CAPN14: variants seen among roughly 807,000 people sequenced by gnomAD.
The protein encoded by CAPN14 is calpain-14.
Under a neutral mutation model 101.3 loss-of-function variants are expected in CAPN14, and 94 were observed. The observed-to-expected ratio is 0.93, with a 90% CI of 0.79 to 1.10. The LOEUF is 1.10. Among genes scored for constraint, CAPN14 ranks in the 50% least tolerant of loss-of-function variants. The probability of loss-of-function intolerance (pLI) is 0.00; values close to 1 mark genes in which losing one functional copy is unlikely to be tolerated. For synonymous variants in CAPN14, 338 were observed against 317.9 expected, an observed-to-expected ratio of 1.06 and a Z score of -0.67; for missense variants, 837 against 828.4, an observed-to-expected ratio of 1.01 and a Z score of -0.13.
chr2:31,197,417 G>T, intron 7 of CAPN14, 83 bp from the exon 8 acceptor site: 1 of 938,428 alleles, frequency 1.1e-6, no homozygotes, highest in African/African-American at 1.6e-5. Flanking sequence ...GCCTGGAGCT[G>T]AGCACTTGCA....
chr2:31,231,074 G>T (rs547205627), intron 1 of CAPN14, among the ~76,000 whole-genome samples: 1 of 152,084 alleles, frequency 6.6e-6, no homozygotes, highest in East Asian at 1.9e-4. Context: ...TGTTGCCATT[G>T]CTATGTTACT....
chr2:31,205,441 G>A lies in CAPN14; in HGVS notation c.7C>T (p.Leu3=). 6.4e-7 allele frequency: 1 copy of A among 1,551,544 alleles called. No individual in the cohort carries two copies. Among genetic ancestry groups the A allele is most frequent in the Non-Finnish European group, 8.7e-7 (1 of 1,146,910 alleles). The stretch of plus-strand genomic sequence containing the variant: ...CATCTGCATCGGAAAGGTGGCCACA[G>A]AGACATGGCAGGTGGTGGGTACAGT... MS[L]WPPFRCRWKL... is the part of the protein sequence containing the mutation. Residue 3 remains leucine, a synonymous_variant, in exon 2 of 22, where the codon CTG becomes TTG. Coordinates refer to ENST00000403897, the MANE Select transcript of CAPN14 (RefSeq NM_001145122.2).
chr2:31,218,369 G>A (rs188641951), upstream of CAPN14, among the ~76,000 whole-genome samples: 1 of 151,958 alleles, frequency 6.6e-6, no homozygotes, highest in Non-Finnish European at 1.5e-5. Context: ...ACCATGCCTA[G>A]TACCCAGGAG....
chr2:31,189,783 C>A, intron 12 of CAPN14: 1 of 484,502 alleles, frequency 2.1e-6, no homozygotes, highest in Admixed American at 2.3e-5. Flanking sequence ...CATTTTATGG[C>A]TGAGGGCTCT....
rs1558612430 is a variant in CAPN14 at position 31,181,431 on chromosome 2, T to TTTCTTTCTTTCTTTCTTTCTTTCC, written c.1646-432_1646-431insGGAAAGAAAGAAAGAAAGAAAGAA. ...CTTTCTTTCTTTCTTTCTTTCTTTC[T>TTTCTTTCTTTCTTTCTTTCTTTCC]TTCTTTCTTTCTTTTTCTTTCTTTT... On this transcript the variant is annotated intron_variant, in intron 16 of 21. Coordinates refer to ENST00000403897, the MANE Select transcript of CAPN14 (RefSeq NM_001145122.2). Among the ~76,000 whole-genome samples, 28 of 148,612 alleles carry TTTCTTTCTTTCTTTCTTTCTTTCC rather than the reference T, an allele frequency of 1.9e-4. 1 individual carries two copies. The highest frequency in any genetic ancestry group is 6.5e-4 in the African/African-American group (26 of 40,090).
At chr2:31,224,375 A>T (rs2148707825) in intron 2 of CAPN14, among the ~76,000 whole-genome samples, 1 of 152,170 alleles carries the variant, frequency 6.6e-6, no homozygotes, top group East Asian at 1.9e-4. Flanking sequence ...TTGGTAGAAT[A>T]TTTTTTTTAT....
In CAPN14 at chr2:31,189,768, C is replaced by T. The variant is rs562496328; in HGVS notation, c.1288-290G>A. 1.1e-4 allele frequency: 55 copies of T among 510,098 alleles called. 1 individual carries two copies. Among genetic ancestry groups the T allele is most frequent in the South Asian group, 7.7e-4 (50 of 64,998 alleles). 31.6% of individuals were successfully genotyped at this position (510,098 alleles called of 1,614,324 possible). ...AAATGATGTGAGGAATGTCCCTGTG[C>T]CTTCCATTTTATGGCTGAGGGCTCT... On this transcript the variant is annotated intron_variant, in intron 12 of 21. Transcript: ENST00000403897.
At chr2:31,191,329 A>G in intron 12 of CAPN14, 70 bp downstream of exon 12, 1 of 1,449,762 alleles carries the variant, frequency 6.9e-7, no homozygotes, top group Non-Finnish European at 9.3e-7. Context: ...GTCTAACTAA[A>G]TCCTGTGGAG....
Position 31,189,478 on chromosome 2 carries a change from A to C in CAPN14, c.1288T>G (p.Tyr430Asp). 1 of 1,550,786 alleles carries C rather than the reference A, an allele frequency of 6.4e-7. No individual in the cohort carries two copies. Among genetic ancestry groups the C allele is most frequent in the Non-Finnish European group, 8.7e-7 (1 of 1,146,556 alleles). ...GGCAGTCTCCTCTGGTCATCATGGTACTGTGGGTAGAGGACAGAAGAACAG... is the reference window on the plus strand; with the variant it reads ...GGCAGTCTCCTCTGGTCATCATGGTCCTGTGGGTAGAGGACAGAAGAACAG... ...IGFYLYRMNK[Y>D]HDDQRRLPPE... is the part of the protein sequence containing the mutation. Residue 430 changes from tyrosine to aspartate, a missense_variant and splice_region_variant, in exon 13 of 22, where the codon TAC (tyrosine) becomes GAC (aspartate). Tyr to Asp is a radical substitution (Grantham distance 160). Coordinates refer to ENST00000403897, the MANE Select transcript of CAPN14 (RefSeq NM_001145122.2).
intron 7 of CAPN14, among the ~76,000 whole-genome samples, chr2:31,197,964 T>G (rs1325313107): frequency 2.0e-5 from 3 of 151,610 alleles, no homozygotes; most frequent in Non-Finnish European, 2.9e-5. Flanking sequence ...ATTTCTGTTG[T>G]TTTCAAGCTC....
chr2:31,205,092 AGT>A (rs1682000123), intron 2 of CAPN14, 129 bp downstream of exon 2: 1 of 728,306 alleles, frequency 1.4e-6, no homozygotes, highest in East Asian at 2.7e-5. Context: ...GTGTTAGAAG[AGT>A]GTGTTGTGTT....
Position 31,199,475 on chromosome 2 carries a change from T to A in CAPN14, c.784A>T (p.Arg262Trp), listed in dbSNP as rs1255487039. Reference sequence around the variant, plus strand: ...AAGGGCCAACCTCAACCCACCTTCCTGATTCCTGTGAGAGTATAGGCATGG... The same window carrying A: ...AAGGGCCAACCTCAACCCACCTTCCAGATTCCTGTGAGAGTATAGGCATGG... ...EGHAYTLTGIRKVTCKHRPEY... is the reference protein window; with the variant it reads ...EGHAYTLTGIWKVTCKHRPEY... Residue 262 changes from arginine to tryptophan, a missense_variant, in exon 7 of 22, where the codon AGG becomes TGG. Arg to Trp is a moderately radical substitution (Grantham distance 101). Transcript: ENST00000403897. 3.2e-6 allele frequency: 5 copies of A among 1,551,566 alleles called. No homozygotes were observed. Among genetic ancestry groups the A allele is most frequent in the Admixed American group, 2.0e-5 (1 of 50,982 alleles).
Position 31,188,310 on chromosome 2 carries a change from C to G in CAPN14, c.1530+8G>C, listed in dbSNP as rs1681003758. 3.9e-6 allele frequency: 6 copies of G among 1,551,150 alleles called. No homozygotes were observed. Among genetic ancestry groups the G allele is most frequent in the Non-Finnish European group, 5.2e-6 (6 of 1,146,612 alleles). Reference sequence around the variant, plus strand: ...CCCAGCCATATGGAATTCCACCAGACTACTCACCTTTGAGAAGACGACACC... The same window carrying G: ...CCCAGCCATATGGAATTCCACCAGAGTACTCACCTTTGAGAAGACGACACC... On this transcript the variant is annotated splice_region_variant and intron_variant, in intron 14 of 21. Coordinates refer to ENST00000403897, the MANE Select transcript of CAPN14 (RefSeq NM_001145122.2).
At chr2:31,222,896 G>A (rs937831478) in intron 2 of CAPN14, among the ~76,000 whole-genome samples, 2 of 152,200 alleles carry the variant, frequency 1.3e-5, no homozygotes, top group African/African-American at 2.4e-5. Flanking sequence ...TGAGGGTGGA[G>A]CAATGAATGG....
chr2:31,217,143 C>T (rs950683371), intron 1 of CAPN14, among the ~76,000 whole-genome samples: 7 of 152,056 alleles, frequency 4.6e-5, no homozygotes, highest in African/African-American at 1.5e-4. Flanking sequence ...CAAATGACTT[C>T]GAGAGAAACC....
At chr2:31,190,994 T>A (rs745469307) in intron 12 of CAPN14, among the ~76,000 whole-genome samples, 7 of 152,210 alleles carry the variant, frequency 4.6e-5, no homozygotes, top group Non-Finnish European at 7.3e-5. Context: ...GTGGGCTGCA[T>A]GGTCTTTGAT....
At chr2:31,217,741 A>G (rs76562819), upstream of CAPN14, among the ~76,000 whole-genome samples, 8,676 of 152,168 alleles carry the variant, frequency 0.057, 297 homozygotes, top group African/African-American at 0.087. Context: ...AATGAGAGAG[A>G]GTTAGTCATC....
chr2:31,190,328 T>C (rs1681116848), intron 12 of CAPN14, among the ~76,000 whole-genome samples: 1 of 152,192 alleles, frequency 6.6e-6, no homozygotes, highest in Admixed American at 6.5e-5. Context: ...AATAAACAGA[T>C]ATTTAGCAAA....
Position 31,178,493 on chromosome 2 carries a change from G to A in CAPN14, c.1779+18C>T. ...CTACACCATCTTCCAAAGAGGTGTG[G>A]TTAAGACTTGTTCTTACCTGAGAGA... On this transcript the variant is annotated intron_variant, in intron 18 of 21. Coordinates refer to ENST00000403897, the MANE Select transcript of CAPN14 (RefSeq NM_001145122.2). 2 of 1,545,842 alleles carry A rather than the reference G, an allele frequency of 1.3e-6. No homozygotes were observed. Among genetic ancestry groups the A allele is most frequent in the Non-Finnish European group, 1.8e-6 (2 of 1,141,764 alleles).
Sources: allele counts gnomAD v4.1 joint callset (sites outside exome capture counted in the v4.1 genomes callset), GRCh38; gene constraint gnomAD v4.1.1; transcripts MANE v1.5; gene names NCBI Gene and HGNC (gene_info 2026-07-23, HGNC 2026-07-21).